The following AGMO variants were observed in gnomAD, a reference collection of about 807,000 sequenced individuals.
The protein encoded by AGMO is glyceryl-ether monooxygenase.
In AGMO, 75 loss-of-function variants were observed where a neutral mutation model predicts 60.2. That is an observed-to-expected ratio of 1.25 (90% CI 1.03 to 1.51). The LOEUF (loss-of-function observed/expected upper bound fraction) is 1.51. Ranked by LOEUF, AGMO falls within the 40% of genes most tolerant of loss-of-function variation. The probability of loss-of-function intolerance (pLI) is 0.00; values close to 1 mark genes in which losing one functional copy is unlikely to be tolerated. For missense variants in AGMO, 763 were observed against 525.5 expected, an observed-to-expected ratio of 1.45 and a Z score of -4.42; for synonymous variants, 261 against 177.1, an observed-to-expected ratio of 1.47 and a Z score of -3.76.
At chr7:15,451,316 A>G (rs1781849874) in intron 3 of AGMO, among the ~76,000 whole-genome samples, 1 of 90,120 alleles carries the variant, frequency 1.1e-5, no homozygotes, top group African/African-American at 3.8e-5. Context: ...AGATAAAATG[A>G]TTCCAATCTT....
chr7:15,231,614 A>T (rs1055684284), intron 12 of AGMO, among the ~76,000 whole-genome samples: 1 of 152,232 alleles, frequency 6.6e-6, no homozygotes, highest in East Asian at 1.9e-4. Flanking sequence ...ATCATAATCA[A>T]TTGATATGAA....
intron 12 of AGMO, among the ~76,000 whole-genome samples, chr7:15,267,600 A>G (rs1241834226): frequency 1.3e-5 from 2 of 151,958 alleles, no homozygotes; most frequent in East Asian, 3.9e-4. Context: ...TTCCACATCC[A>G]TCTTTCCTTT....
At chr7:15,173,205 CTATTGAATAAATTTACTGAAGTAAATT>C in the AGMO span, among the ~76,000 whole-genome samples, 5 of 151,960 alleles carry the variant, frequency 3.3e-5, no homozygotes, top group South Asian at 6.2e-4. Context: ...TGAAGTAAAT[CTATTGAATAAATTTACTGAAGTAAATT>C]TATTCACTTG....
intron 12 of AGMO, among the ~76,000 whole-genome samples, chr7:15,232,184 A>T (rs550217577): frequency 6.6e-6 from 1 of 152,282 alleles, no homozygotes; most frequent in East Asian, 1.9e-4. Flanking sequence ...CCTACGCTCT[A>T]CATTATCCAT....
chr7:15,300,420 A>C (rs1784533043), intron 12 of AGMO, among the ~76,000 whole-genome samples: 1 of 152,196 alleles, frequency 6.6e-6, no homozygotes, highest in South Asian at 2.1e-4. Flanking sequence ...GATGGGATTA[A>C]ATTATCACAG....
chr7:15,166,680 G>A, the AGMO span, among the ~76,000 whole-genome samples: 3 of 152,144 alleles, frequency 2.0e-5, no homozygotes, highest in Admixed American at 6.5e-5. Context: ...AGTAAGAAGC[G>A]GGATGGGAGT....
chr7:15,370,489 ACTAATTT>A (rs1583468458), intron 10 of AGMO, among the ~76,000 whole-genome samples: 1 of 152,172 alleles, frequency 6.6e-6, no homozygotes, highest in East Asian at 1.9e-4. Context: ...CAGTGGCTGA[ACTAATTT>A]ACATTCTCAC....
At chr7:15,479,885 G>T (rs1183906488) in intron 3 of AGMO, among the ~76,000 whole-genome samples, 4 of 152,076 alleles carry the variant, frequency 2.6e-5, no homozygotes, top group Admixed American at 1.3e-4. Flanking sequence ...TTCAAAGAAA[G>T]AACTCGATTA....
At chr7:15,220,133 C>G (rs540267330) in intron 12 of AGMO, among the ~76,000 whole-genome samples, 23 of 151,288 alleles carry the variant, frequency 1.5e-4, no homozygotes, top group Non-Finnish European at 3.1e-4. Context: ...GAATTTTTGC[C>G]TTATTTCTTT....
the AGMO span, among the ~76,000 whole-genome samples, chr7:15,139,800 C>CT: frequency 7.2e-6 from 1 of 138,842 alleles, no homozygotes; most frequent in African/African-American, 2.8e-5. Flanking sequence ...TACAGAGCTG[C>CT]TAGACCCTAT....
intron 12 of AGMO, among the ~76,000 whole-genome samples, chr7:15,325,376 T>C (rs752516544): frequency 5.3e-5 from 8 of 152,142 alleles, no homozygotes; most frequent in Non-Finnish European, 8.8e-5. Flanking sequence ...ATTTAATACA[T>C]AATATTATCT....
chr7:15,168,848 T>A, the AGMO span, among the ~76,000 whole-genome samples: 4 of 152,238 alleles, frequency 2.6e-5, no homozygotes, highest in African/African-American at 9.6e-5. Context: ...TGGCAATTGG[T>A]GATGCCTTCG....
intron 3 of AGMO, among the ~76,000 whole-genome samples, chr7:15,494,145 A>G (rs1783157713): frequency 1.3e-5 from 2 of 152,192 alleles, no homozygotes; most frequent in Non-Finnish European, 2.9e-5. Flanking sequence ...ACTACACCTA[A>G]TGGGAACTAA....
chr7:15,202,095 G>A (rs968728695), intron 12 of AGMO, among the ~76,000 whole-genome samples: 1 of 151,976 alleles, frequency 6.6e-6, no homozygotes, highest in Non-Finnish European at 1.5e-5. Flanking sequence ...TTGGGTAACT[G>A]GAATGATGAT....
intron 12 of AGMO, among the ~76,000 whole-genome samples, chr7:15,357,538 G>A (rs1267768421): frequency 4.6e-5 from 7 of 152,114 alleles, no homozygotes; most frequent in African/African-American, 9.6e-5. Context: ...TTTGATTTTC[G>A]GCTGGTCTGA....
At chr7:15,167,127 T>C in the AGMO span, among the ~76,000 whole-genome samples, 19 of 152,200 alleles carry the variant, frequency 1.2e-4, no homozygotes, top group Admixed American at 1.2e-3. Context: ...TGAAAATTTA[T>C]AGCAATCAGT....
chr7:15,263,818 A>C (rs1224952468), intron 12 of AGMO, among the ~76,000 whole-genome samples: 1 of 152,182 alleles, frequency 6.6e-6, no homozygotes, highest in Non-Finnish European at 1.5e-5. Context: ...CAGGAATGGA[A>C]AACCAAACAT....
intron 3 of AGMO, among the ~76,000 whole-genome samples, chr7:15,450,626 T>C (rs987134525): frequency 1.3e-5 from 2 of 152,156 alleles, no homozygotes; most frequent in African/African-American, 4.8e-5. Context: ...TTTTGGTTTG[T>C]CTATTCATAA....
the AGMO span, among the ~76,000 whole-genome samples, chr7:15,131,782 AC>A: frequency 2.0e-5 from 3 of 151,766 alleles, no homozygotes; most frequent in Non-Finnish European, 2.9e-5. Context: ...ACACACACAC[AC>A]ACACACAAAC....
Sources: gnomAD v4.1 joint callset for allele counts (sites outside exome capture counted in the v4.1 genomes callset) on GRCh38, gnomAD v4.1.1 for gene constraint, MANE v1.5 for transcripts, NCBI Gene and HGNC (gene_info 2026-07-23, HGNC 2026-07-21) for gene names.